PCDHGB4: variants seen among roughly 807,000 people sequenced by gnomAD.
PCDHGB4 encodes protocadherin gamma subfamily B, 4, also known as protocadherin gamma-B4.
A neutral mutation model predicts 60.5 loss-of-function variants in PCDHGB4; 38 were observed. That is an observed-to-expected ratio of 0.63 (90% CI 0.48 to 0.82). The LOEUF (loss-of-function observed/expected upper bound fraction) is 0.82. Ranked by LOEUF, PCDHGB4 falls within the 40% of genes least tolerant of loss-of-function variation. The pLI is 0.00. For synonymous variants in PCDHGB4, 456 were observed against 509.7 expected (o/e 0.89, Z 1.42); for missense variants, 1,109 against 1,209.6 (o/e 0.92, Z 1.23).
In PCDHGB4 at chr5:141,423,069, G is replaced by A. The variant is rs1364397726; in HGVS notation, c.2397+32788G>A. ...CCTATCGCCTGCTTAAGGCCAGCGA[G>A]CCGGGACTCTTCGCGGTGGGGGAGC... On this transcript the variant is annotated intron_variant, in intron 1 of 3. Transcript: ENST00000519479. 8 of 1,614,034 alleles carry A rather than the reference G, an allele frequency of 5.0e-6. No homozygotes were observed. In the African/African-American group the frequency reaches 1.1e-4, roughly 22 times the overall value.
intron 1 of PCDHGB4, among the ~76,000 whole-genome samples, chr5:141,484,369 G>A (rs1218433750): frequency 6.6e-6 from 1 of 152,164 alleles, no homozygotes; most frequent in Non-Finnish European, 1.5e-5. Flanking sequence ...TGTATCACTA[G>A]CAAATGTCTG....
rs760747309 is a variant in PCDHGB4, at chr5:141,477,613, A to G, written c.2398-17194A>G. 1.2e-6 allele frequency: 2 copies of G among 1,614,210 alleles called. No individual in the cohort carries two copies. Among genetic ancestry groups the G allele is most frequent in the Non-Finnish European group, 8.5e-7 (1 of 1,180,044 alleles). ...GGCTTTCTTTCTTTCTCTTGGAGCA[A>G]GGAGCTGAAACCGGGCTAGTGGGTC... On this transcript the variant is annotated intron_variant, in intron 1 of 3. Coordinates refer to ENST00000519479, the MANE Select transcript of PCDHGB4 (RefSeq NM_003736.4). This position sits in a 1 kb window ranked among gnomAD's most constrained non-coding sequence, Gnocchi z 4.9.
At chr5:141,510,238 A>C (rs2099880007) in intron 3 of PCDHGB4, among the ~76,000 whole-genome samples, 1 of 149,340 alleles carries the variant, frequency 6.7e-6, no homozygotes, top group Non-Finnish European at 1.5e-5. Flanking sequence ...GCGCCACTGC[A>C]CTCCAGGCTG....
At position 141,489,088 on chromosome 5, in the gene PCDHGB4, GAC is replaced by G; in HGVS notation, c.2398-5718_2398-5717del. 5.8e-6 allele frequency: 2 copies of G among 347,236 alleles called. No homozygotes were observed. The highest frequency in any genetic ancestry group is 4.7e-5 in the East Asian group (1 of 21,502). The allele number at this position is 347,236 out of a possible 1,614,324, so 21.5% of individuals were successfully genotyped here. A position where few individuals can be genotyped will look rare whatever the true frequency, so the allele number is the denominator to read the frequency against. ...CCCCTGCCCACCCCCGCCACTCGGT[GAC>G]TAAGAACTGCTGCAAGCAGGCAAAC... On this transcript the variant is annotated intron_variant, in intron 1 of 3. Transcript: ENST00000519479. The surrounding 1 kb of genome is among the most constrained non-coding windows in gnomAD (Gnocchi z 4.5).
intron 1 of PCDHGB4, chr5:141,433,007 C>T (rs550227016): frequency 1.2e-6 from 2 of 1,614,198 alleles, no homozygotes; most frequent in Admixed American, 3.3e-5. Context: ...GCAGGCTTTC[C>T]TGCAGACCTA....
intron 1 of PCDHGB4, chr5:141,414,822 C>A: frequency 6.2e-7 from 1 of 1,614,240 alleles, no homozygotes; most frequent in Non-Finnish European, 8.5e-7. Context: ...TCAGCAGCAA[C>A]GTGTCGTTGA....
rs368791778 is a variant in PCDHGB4, at chr5:141,409,216, T to C, written c.2397+18935T>C. The C allele has an allele frequency of 4.3e-6, 7 of 1,613,886 alleles. No homozygotes were observed. The African/African-American group carries it at 9.3e-5, about 22-fold the overall frequency. On this transcript the variant is annotated intron_variant, in intron 1 of 3. Coordinates refer to ENST00000519479, the MANE Select transcript of PCDHGB4 (RefSeq NM_003736.4). ...AGTGTAAAGTAATCATAGAAATCCT[T>C]GATGAAAACGACAACAGCCCAGAAA...
intron 1 of PCDHGB4, chr5:141,393,647 A>T: frequency 6.2e-7 from 1 of 1,613,964 alleles, no homozygotes; most frequent in Non-Finnish European, 8.5e-7. Context: ...GAAAAGTGGC[A>T]TACAAATTCC....
At chr5:141,409,200 T>A in intron 1 of PCDHGB4, 1 of 1,614,020 alleles carries the variant, frequency 6.2e-7, no homozygotes, top group Non-Finnish European at 8.5e-7. Flanking sequence ...CAGTGTAAAG[T>A]AATCATAGAA....
chr5:141,501,288 TATACACAC>T (rs1482707793), intron 2 of PCDHGB4, among the ~76,000 whole-genome samples: 1 of 81,228 alleles, frequency 1.2e-5, no homozygotes, highest in African/African-American at 4.9e-5. Flanking sequence ...GATATTCCCT[TATACACAC>T]ACACACACAC....
intron 1 of PCDHGB4, chr5:141,414,557 A>C: frequency 6.2e-7 from 1 of 1,613,906 alleles, no homozygotes. Flanking sequence ...CAAGTCTCCT[A>C]CTTTACCTAT....
intron 1 of PCDHGB4, among the ~76,000 whole-genome samples, chr5:141,455,803 A>G (rs1197986124): frequency 6.6e-6 from 1 of 152,068 alleles, no homozygotes; most frequent in Non-Finnish European, 1.5e-5. Context: ...TGCTTTAAAA[A>G]ATGAAAACTT....
chr5:141,466,769 T>C (rs760924688), intron 1 of PCDHGB4, among the ~76,000 whole-genome samples: 1 of 152,198 alleles, frequency 6.6e-6, no homozygotes, highest in African/African-American at 2.4e-5. Flanking sequence ...CAAACTGTTA[T>C]CTTATTCTTC....
chr5:141,400,426 G>A (rs1346018954), intron 1 of PCDHGB4: 1 of 1,614,060 alleles, frequency 6.2e-7, no homozygotes, highest in Non-Finnish European at 8.5e-7. Flanking sequence ...AAAATGTAGT[G>A]AGCAATTGAG....
intron 1 of PCDHGB4, chr5:141,393,454 C>A: frequency 1.2e-6 from 2 of 1,614,046 alleles, no homozygotes; most frequent in South Asian, 1.1e-5. Context: ...GTCCTCACGG[C>A]CTCGGATGGC....
At chr5:141,413,128 CA>C in intron 1 of PCDHGB4, 1 of 1,534,686 alleles carries the variant, frequency 6.5e-7, no homozygotes, top group Non-Finnish European at 8.8e-7. Flanking sequence ...GGTTGAAACA[CA>C]CAACGTGTCC....
In PCDHGB4 at chr5:141,432,220, C is replaced by A. The variant is rs949257429; in HGVS notation, c.2397+41939C>A. ...CCGACTGTGAAGAGAACGCCCAGAT[C>A]ACTTATTCCCTGGCTGAGAACACCA... On this transcript the variant is annotated intron_variant, in intron 1 of 3. Coordinates refer to ENST00000519479, the MANE Select transcript of PCDHGB4 (RefSeq NM_003736.4). This position sits in a 1 kb window ranked among gnomAD's most constrained non-coding sequence, Gnocchi z 6.0. The A allele has an allele frequency of 2.5e-6, 4 of 1,614,246 alleles. No homozygotes were observed. The highest frequency in any genetic ancestry group is 1.6e-4 in the Middle Eastern group (1 of 6,062).
rs1273620361 is a variant in PCDHGB4, at chr5:141,486,809, A to G, written c.2398-7998A>G. 1 of 1,614,106 alleles carries G rather than the reference A, an allele frequency of 6.2e-7. No homozygotes were observed. The highest frequency in any genetic ancestry group is 1.3e-5 in the African/African-American group (1 of 74,936). On this transcript the variant is annotated intron_variant, in intron 1 of 3. Coordinates refer to ENST00000519479, the MANE Select transcript of PCDHGB4 (RefSeq NM_003736.4). This position sits in a 1 kb window ranked among gnomAD's most constrained non-coding sequence, Gnocchi z 5.0. ...CCGGGATCGGGGCAACCCACCCCTT[A>G]GCAGCACTGTAACAGTTCGTCTATT...
chr5:141,434,889 A>C (rs1213631251), intron 1 of PCDHGB4, among the ~76,000 whole-genome samples: 2 of 151,512 alleles, frequency 1.3e-5, no homozygotes, highest in African/African-American at 4.8e-5. Context: ...ACAACAATCC[A>C]GTCCCCTTCC....
Sources: gnomAD v4.1 joint callset for allele counts (sites outside exome capture counted in the v4.1 genomes callset) on GRCh38, gnomAD v4.1.1 for gene constraint, Gnocchi (gnomAD v3.1) non-coding constraint, MANE v1.5 for transcripts, NCBI Gene and HGNC (gene_info 2026-07-23, HGNC 2026-07-21) for gene names.